The following FREM2 variants were observed in gnomAD, a reference collection of about 807,000 sequenced individuals.
FREM2 encodes the protein FRAS1-related extracellular matrix protein 2.
A neutral mutation model predicts 219.9 loss-of-function variants in FREM2; 119 were observed. The ratio of observed to expected loss-of-function variants is 0.54; its 90% confidence interval spans 0.47 to 0.63. The LOEUF is 0.63. FREM2 is among the 30% of genes least tolerant of loss of function. FREM2 has a pLI of 0.00. For missense variants in FREM2, 4,030 were observed against 3,993.6 expected, an observed-to-expected ratio of 1.01 and a Z score of -0.25; for synonymous variants, 1,562 against 1,522.8, an observed-to-expected ratio of 1.03 and a Z score of -0.60.
At chr13:38,772,987 G>A (rs1052304628) in intron 4 of FREM2, among the ~76,000 whole-genome samples, 5 of 152,158 alleles carry the variant, frequency 3.3e-5, no homozygotes, top group East Asian at 3.9e-4. Flanking sequence ...GTGAGCCACC[G>A]TGCCCAGCCC....
chr13:38,822,452 T>A (rs1876103755), intron 6 of FREM2, among the ~76,000 whole-genome samples: 1 of 151,084 alleles, frequency 6.6e-6, no homozygotes, highest in African/African-American at 2.4e-5. Flanking sequence ...AAAGCCACAG[T>A]CTTTCACAGT....
intron 3 of FREM2, among the ~76,000 whole-genome samples, chr13:38,768,726 A>T (rs1873539367): frequency 6.6e-6 from 1 of 152,192 alleles, no homozygotes; most frequent in African/African-American, 2.4e-5. Flanking sequence ...TCCAAGTACC[A>T]TTGCCGTTTT....
chr13:38,753,973 T>TTTATTTTTTATTTTATTTTA (rs1555265208), intron 2 of FREM2, among the ~76,000 whole-genome samples: 1 of 148,380 alleles, frequency 6.7e-6, no homozygotes. Flanking sequence ...TTTATTTTAT[T>TTTATTTTTTATTTTATTTTA]TTTTATTTTA....
At chr13:38,841,293 A>G (rs2137900372) in intron 6 of FREM2, among the ~76,000 whole-genome samples, 1 of 152,322 alleles carries the variant, frequency 6.6e-6, no homozygotes, top group East Asian at 1.9e-4. Flanking sequence ...TTGCCTGTCA[A>G]GATTTTTAAA....
intron 2 of FREM2, among the ~76,000 whole-genome samples, chr13:38,739,110 G>C (rs775295690): frequency 6.6e-6 from 1 of 152,184 alleles, no homozygotes; most frequent in African/African-American, 2.4e-5. Context: ...AATAATTGCT[G>C]TTGGTGGAGG....
At chr13:38,741,676 A>C (rs760685244) in intron 2 of FREM2, among the ~76,000 whole-genome samples, 127 of 152,282 alleles carry the variant, frequency 8.3e-4, no homozygotes, top group Non-Finnish European at 1.0e-3. Flanking sequence ...CCGAACTCTT[A>C]CCCTTTTGAA....
chr13:38,855,345 A>C (rs1358716738), intron 11 of FREM2, among the ~76,000 whole-genome samples: 5 of 152,212 alleles, frequency 3.3e-5, no homozygotes, highest in African/African-American at 9.6e-5. Context: ...GCTCTTCTAC[A>C]TATGTACATA....
intron 15 of FREM2, among the ~76,000 whole-genome samples, chr13:38,863,194 C>T (rs571762530): frequency 1.1e-4 from 17 of 152,052 alleles, no homozygotes; most frequent in Non-Finnish European, 2.2e-4. Flanking sequence ...GAATTACAGG[C>T]GTGCATCACC....
intron 6 of FREM2, among the ~76,000 whole-genome samples, chr13:38,845,161 CA>C (rs1364586037): frequency 6.6e-6 from 1 of 152,112 alleles, no homozygotes; most frequent in Non-Finnish European, 1.5e-5. Flanking sequence ...TTATCATGCC[CA>C]CCATGTGAAG....
chr13:38,695,012 A>G (rs1242047575), intron 1 of FREM2, among the ~76,000 whole-genome samples: 1 of 152,222 alleles, frequency 6.6e-6, no homozygotes, highest in Admixed American at 6.5e-5. Context: ...AAACAAAAAA[A>G]TCTCATGGAA....
At chr13:38,852,494 G>A (rs1444623990) in intron 11 of FREM2, among the ~76,000 whole-genome samples, 1 of 151,938 alleles carries the variant, frequency 6.6e-6, no homozygotes, top group Admixed American at 6.6e-5. Flanking sequence ...CTATGTAATT[G>A]CAATATGCAT....
intron 6 of FREM2, among the ~76,000 whole-genome samples, chr13:38,822,347 C>CTTTTTTTTT (rs951562767): frequency 1.0e-5 from 1 of 100,042 alleles, no homozygotes; most frequent in African/African-American, 3.1e-5. Flanking sequence ...TTCTTTCTTT[C>CTTTTTTTTT]TTTTTTTTTT....
At position 38,690,007 on chromosome 13, in the gene FREM2, G is replaced by A. The variant is rs775756671; in HGVS notation, c.2663G>A (p.Gly888Asp). The A allele has an allele frequency of 6.2e-7, 1 of 1,614,006 alleles. No individual in the cohort carries two copies. The highest frequency in any genetic ancestry group is 1.1e-5 in the South Asian group (1 of 91,072). ...TCTGGACAGATCCTGCATGTAGGGG[G>A]TCTCTTCCACTTGGAGGACATAAAA... Reference protein sequence around the residue: ...RVSGQILHVGGLFHLEDIKQG... With the variant: ...RVSGQILHVGDLFHLEDIKQG... The change falls in exon 1 of 24, where the codon GGT (glycine) becomes GAT (aspartate). Residue 888 changes from glycine (G) to aspartate (D), a missense_variant. By Grantham distance (94) the Gly-to-Asp change is moderately conservative. Coordinates refer to ENST00000280481, the MANE Select transcript of FREM2 (RefSeq NM_207361.6).
intron 6 of FREM2, among the ~76,000 whole-genome samples, chr13:38,796,178 A>T (rs1874771612): frequency 6.6e-6 from 1 of 152,188 alleles, no homozygotes; most frequent in South Asian, 2.1e-4. Flanking sequence ...CCTGGCTACC[A>T]GAACTTGAGC....
intron 16 of FREM2, among the ~76,000 whole-genome samples, chr13:38,868,133 G>A (rs535632397): frequency 2.6e-5 from 4 of 152,182 alleles, no homozygotes; most frequent in East Asian, 1.9e-4. Context: ...CAACATACAC[G>A]CACATATTAT....
chr13:38,710,602 G>C (rs939697023), intron 2 of FREM2, among the ~76,000 whole-genome samples: 1 of 152,224 alleles, frequency 6.6e-6, no homozygotes, highest in Non-Finnish European at 1.5e-5. Context: ...TCTCAACTGC[G>C]AGAGCTGTTT....
At chr13:38,834,606 A>G (rs530679786) in intron 6 of FREM2, among the ~76,000 whole-genome samples, 25 of 152,142 alleles carry the variant, frequency 1.6e-4, no homozygotes, top group African/African-American at 5.8e-4. Flanking sequence ...ATCCTCTCCA[A>G]CATCTGTGGT....
intron 6 of FREM2, among the ~76,000 whole-genome samples, chr13:38,844,047 T>G (rs1268847621): frequency 6.6e-6 from 1 of 152,152 alleles, no homozygotes; most frequent in African/African-American, 2.4e-5. Context: ...ATAAATCTAC[T>G]CATAATCAAA....
At position 38,783,064 on chromosome 13, in the gene FREM2, C is replaced by G; in HGVS notation, c.5642-6C>G. On this transcript the variant is annotated splice_polypyrimidine_tract_variant and splice_region_variant and intron_variant, in intron 4 of 23. Coordinates refer to ENST00000280481, the MANE Select transcript of FREM2 (RefSeq NM_207361.6). ...AATAATGCTTGCAATTGTGTTTTCT[C>G]TCTAGAGCCAACTGTGTTTATTCCC... 1.2e-6 allele frequency: 2 copies of G among 1,613,330 alleles called. No individual in the cohort carries two copies. The highest frequency in any genetic ancestry group is 8.5e-7 in the Non-Finnish European group (1 of 1,179,880).
Sources: gnomAD v4.1 joint callset for allele counts (sites outside exome capture counted in the v4.1 genomes callset) on GRCh38, gnomAD v4.1.1 for gene constraint, MANE v1.5 for transcripts, NCBI Gene and HGNC (gene_info 2026-07-23, HGNC 2026-07-21) for gene names.